NUDT19: variants seen among roughly 807,000 people sequenced by gnomAD.
NUDT19 encodes nudix hydrolase 19.
NUDT19 carries 31 observed loss-of-function variants against 22.2 expected under a neutral mutation model. The observed-to-expected ratio is 1.40, with a 90% CI of 1.05 to 1.89. The LOEUF (loss-of-function observed/expected upper bound fraction) is 1.89. NUDT19 is among the 40% of genes most tolerant of loss of function. NUDT19 has a pLI of 0.00. For missense variants in NUDT19, 752 were observed against 514.2 expected (o/e 1.46, Z -4.47); for synonymous variants, 325 against 230.8 (o/e 1.41, Z -3.70).
Position 32,692,568 on chromosome 19 carries a change from C to T in NUDT19, c.608C>T (p.Pro203Leu), listed in dbSNP as rs761788291. Reference protein sequence around the residue: ...ALHNWSAWLTPFLRGTTRRFD... With the variant: ...ALHNWSAWLTLFLRGTTRRFD... ...CACAACTGGAGCGCCTGGCTCACCC[C>T]TTTCTTGCGGGGCACCACTCGCCGC... The change falls in exon 1 of 3, where the codon CCT (proline) becomes CTT (leucine). Residue 203 changes from proline (P) to leucine (L), a missense_variant. Transcript: ENST00000397061. The T allele has an allele frequency of 3.1e-6, 5 of 1,597,058 alleles. No individual in the cohort carries two copies. The highest frequency in any genetic ancestry group is 1.4e-5 in the African/African-American group (1 of 72,942).
chr19:32,698,237 C>T (rs1051377648), intron 1 of NUDT19, among the ~76,000 whole-genome samples: 7 of 152,148 alleles, frequency 4.6e-5, no homozygotes, highest in African/African-American at 1.4e-4. Flanking sequence ...TTTATACTTC[C>T]CTCAGGTGGC....
rs760602657 is a variant in NUDT19 at position 32,692,170 on chromosome 19, C to T, written c.210C>T (p.Ala70=). 1.3e-6 allele frequency: 2 copies of T among 1,534,830 alleles called. No homozygotes were observed. Among genetic ancestry groups the T allele is most frequent in the South Asian group, 1.2e-5 (1 of 84,022 alleles). Residue 70 remains alanine, a synonymous_variant, in exon 1 of 3, where the codon GCC becomes GCT. Transcript: ENST00000397061. ...HVFSGGVLDA[A]DRSADWLGLF... ...TCTCCGGCGGAGTGCTGGATGCGGC[C>T]GACCGCTCGGCGGACTGGCTGGGCC... is the stretch of plus-strand genomic sequence containing the variant.
Position 32,692,241 on chromosome 19 carries a change from C to A in NUDT19, c.281C>A (p.Ala94Glu), listed in dbSNP as rs754360671. ...HGPPRFGLGPAPFSRTAFPSL... is the reference protein window; with the variant it reads ...HGPPRFGLGPEPFSRTAFPSL... ...CCGCCGCGCTTCGGCCTGGGCCCGG[C>A]GCCATTCAGCCGCACCGCTTTCCCG... Residue 94 changes from alanine to glutamate, a missense_variant, in exon 1 of 3, where the codon GCG becomes GAG. Physicochemically the swap from Ala to Glu is moderately radical, Grantham distance 107. Coordinates refer to ENST00000397061, the MANE Select transcript of NUDT19 (RefSeq NM_001105570.2). The A allele has an allele frequency of 1.3e-6, 2 of 1,590,400 alleles. No individual in the cohort carries two copies. The highest frequency in any genetic ancestry group is 1.7e-6 in the Non-Finnish European group (2 of 1,176,804).
chr19:32,699,856 G>C (rs562343836), intron 1 of NUDT19, among the ~76,000 whole-genome samples: 46 of 152,140 alleles, frequency 3.0e-4, no homozygotes, highest in Non-Finnish European at 5.1e-4. Context: ...CAGATATTCA[G>C]ATGTGTCCGG....
chr19:32,702,752 G>C (rs1191444513), intron 1 of NUDT19, among the ~76,000 whole-genome samples: 1 of 152,080 alleles, frequency 6.6e-6, no homozygotes, highest in Non-Finnish European at 1.5e-5. Flanking sequence ...CCATCTTACT[G>C]CTCATTTTTT....
At chr19:32,705,533 G>A (rs939646217) in intron 1 of NUDT19, among the ~76,000 whole-genome samples, 1 of 151,548 alleles carries the variant, frequency 6.6e-6, no homozygotes, top group South Asian at 2.1e-4. Flanking sequence ...ATGATTTTAA[G>A]TGATTTTAGC....
In NUDT19 at chr19:32,692,272, G is replaced by A; in HGVS notation, c.312G>A (p.Leu104=). Residue 104 remains leucine (L), a synonymous_variant, in exon 1 of 3, where the codon CTG becomes CTA. Transcript: ENST00000397061. ...APFSRTAFPS[L]PDTDDHKTDN... ...TCAGCCGCACCGCTTTCCCGTCGCT[G>A]CCCGACACCGATGACCACAAGACCG... 1 of 1,592,552 alleles carries A rather than the reference G, an allele frequency of 6.3e-7. No homozygotes were observed. Among genetic ancestry groups the A allele is most frequent in the African/African-American group, 1.4e-5 (1 of 73,828 alleles).
intron 1 of NUDT19, among the ~76,000 whole-genome samples, chr19:32,696,872 C>T (rs560822351): frequency 1.1e-4 from 16 of 152,210 alleles, no homozygotes; most frequent in Admixed American, 2.0e-4. Flanking sequence ...GTTATACATA[C>T]CCAGGACTCA....
In NUDT19 at chr19:32,692,169, C is replaced by T; in HGVS notation, c.209C>T (p.Ala70Val). The T allele has an allele frequency of 6.5e-7, 1 of 1,532,850 alleles. No homozygotes were observed. 95.0% of individuals were successfully genotyped at this position (1,532,850 alleles called of 1,614,324 possible). A position where few individuals can be genotyped will look rare whatever the true frequency, so the allele number is the denominator to read the frequency against. Residue 70 changes from alanine to valine, a missense_variant, in exon 1 of 3, where the codon GCC becomes GTC. Ala to Val is a moderately conservative substitution (Grantham distance 64). Coordinates refer to ENST00000397061, the MANE Select transcript of NUDT19 (RefSeq NM_001105570.2). ...HVFSGGVLDAADRSADWLGLF... is the reference protein window; with the variant it reads ...HVFSGGVLDAVDRSADWLGLF... ...TTCTCCGGCGGAGTGCTGGATGCGG[C>T]CGACCGCTCGGCGGACTGGCTGGGC...
intron 1 of NUDT19, among the ~76,000 whole-genome samples, chr19:32,708,751 G>GT (rs1487062858): frequency 6.6e-6 from 1 of 152,154 alleles, no homozygotes; most frequent in Non-Finnish European, 1.5e-5. Context: ...GAGCTTTGTG[G>GT]TGTCCATCAT....
Position 32,692,329 on chromosome 19 carries a change from C to G in NUDT19, c.369C>G (p.Ala123=). 2 of 1,592,012 alleles carry G rather than the reference C, an allele frequency of 1.3e-6. No individual in the cohort carries two copies. The highest frequency in any genetic ancestry group is 1.7e-6 in the Non-Finnish European group (2 of 1,177,260). The change falls in exon 1 of 3, where the codon GCC becomes GCG. Residue 123 remains alanine (A), a synonymous_variant. Transcript: ENST00000397061. ...CTGGGACGCTGCCTGAGGACGTAGC[C>G]TTCCGCATCTGCGCCGTGCGGGAGG... is the stretch of plus-strand genomic sequence containing the variant. ...DNTGTLPEDV[A]FRICAVREAF...
chr19:32,700,026 G>A (rs915293691), intron 1 of NUDT19, among the ~76,000 whole-genome samples: 73 of 152,300 alleles, frequency 4.8e-4, no homozygotes, highest in African/African-American at 1.7e-3. Context: ...GCAGACCTTC[G>A]CGGTGAGTGT....
At chr19:32,707,272 G>T (rs1968396424) in intron 1 of NUDT19, among the ~76,000 whole-genome samples, 1 of 152,154 alleles carries the variant, frequency 6.6e-6, no homozygotes, top group Non-Finnish European at 1.5e-5. Flanking sequence ...GAGATTGGGT[G>T]GTCCTTTGAG....
At position 32,692,440 on chromosome 19, in the gene NUDT19, A is replaced by AC; in HGVS notation, c.482dup (p.Pro162AlafsTer52). 6.5e-7 allele frequency: 1 copy of AC among 1,547,928 alleles called. No individual in the cohort carries two copies. The highest frequency in any genetic ancestry group is 1.9e-5 in the Admixed American group (1 of 51,672). On this transcript the variant is annotated frameshift_variant, in exon 1 of 3. Transcript: ENST00000397061. LOFTEE classifies it high-confidence loss of function. ...CCGGGCCTGGCCTCGCCCTGGAGCC[A>AC]CCGCCGGGCCTGGCCTCCTGGCGCG...
In NUDT19 at chr19:32,692,182, G is replaced by A. The variant is rs756554051; in HGVS notation, c.222G>A (p.Ala74=). 125 of 1,547,130 alleles carry A rather than the reference G, an allele frequency of 8.1e-5. No homozygotes were observed. Among genetic ancestry groups the A allele is most frequent in the Middle Eastern group, 1.7e-4 (1 of 5,944 alleles). The change falls in exon 1 of 3, where the codon GCG becomes GCA. Residue 74 remains alanine (A), a synonymous_variant. Coordinates refer to ENST00000397061, the MANE Select transcript of NUDT19 (RefSeq NM_001105570.2). ...TGCTGGATGCGGCCGACCGCTCGGC[G>A]GACTGGCTGGGCCTCTTCGCGCCGC... ...GGVLDAADRS[A]DWLGLFAPHH...
intron 1 of NUDT19, among the ~76,000 whole-genome samples, chr19:32,702,523 G>C (rs1283393696): frequency 6.6e-6 from 1 of 152,100 alleles, no homozygotes; most frequent in African/African-American, 2.4e-5. Flanking sequence ...CAGGAGAATT[G>C]CTTGAACCCA....
At chr19:32,693,438 A>T (rs1968226658) in intron 1 of NUDT19, among the ~76,000 whole-genome samples, 1 of 152,250 alleles carries the variant, frequency 6.6e-6, no homozygotes, top group Admixed American at 6.5e-5. Flanking sequence ...TTATAAAGGT[A>T]GTGCGGACCC....
At position 32,701,118 on chromosome 19, in the gene NUDT19, A is replaced by G. The variant is rs144228664; in HGVS notation, c.715-8067A>G. ...CTTGGTGAATGTTCCCTTTGCACCT[A>G]AGAAGAATATGTATTCTGCTATTTG... On this transcript the variant is annotated intron_variant, in intron 1 of 2. Transcript: ENST00000397061. Among the ~76,000 whole-genome samples the G allele has an allele frequency of 2.8e-3, 418 of 151,878 alleles. 2 individuals are homozygous for G. The highest frequency in any genetic ancestry group is 9.5e-3 in the African/African-American group (392 of 41,432).
intron 1 of NUDT19, among the ~76,000 whole-genome samples, chr19:32,700,805 G>A (rs1968327025): frequency 6.6e-6 from 1 of 152,090 alleles, no homozygotes; most frequent in Non-Finnish European, 1.5e-5. Flanking sequence ...GGAGAAGAAG[G>A]CCAGAGGATC....
Sources: allele counts gnomAD v4.1 joint callset (sites outside exome capture counted in the v4.1 genomes callset), GRCh38; gene constraint gnomAD v4.1.1; transcripts MANE v1.5; gene names NCBI Gene and HGNC (gene_info 2026-07-23, HGNC 2026-07-21).